Variants in TMEM245 observed in about 807,000 individuals in gnomAD.
TMEM245 encodes the protein transmembrane protein 245.
A neutral mutation model predicts 101.2 loss-of-function variants in TMEM245; 69 were observed. That is an observed-to-expected ratio of 0.68 (90% CI 0.56 to 0.83). The LOEUF is 0.83. Ranked by LOEUF, TMEM245 falls within the 40% of genes least tolerant of loss-of-function variation. The pLI is 0.00. For missense variants in TMEM245, 1,075 were observed against 1,092.8 expected (o/e 0.98, Z 0.23); for synonymous variants, 537 against 449.8 (o/e 1.19, Z -2.45).
intron 14 of TMEM245, among the ~76,000 whole-genome samples, chr9:109,043,792 CTA>C (rs1003796303): frequency 6.6e-5 from 10 of 152,228 alleles, no homozygotes; most frequent in African/African-American, 2.4e-4. Context: ...CTGTCCCATA[CTA>C]TATATAGACT....
chr9:109,116,858 C>G (rs747963743), intron 1 of TMEM245, among the ~76,000 whole-genome samples: 2 of 152,014 alleles, frequency 1.3e-5, no homozygotes, highest in Non-Finnish European at 2.9e-5. Flanking sequence ...AGAGCAAGGA[C>G]TCCTTGTCTT....
chr9:109,048,850 A>C (rs1205889663), intron 14 of TMEM245, among the ~76,000 whole-genome samples: 2 of 152,244 alleles, frequency 1.3e-5, no homozygotes, highest in Admixed American at 1.3e-4. Context: ...AGAAGTCATA[A>C]CGAAAAAGTT....
chr9:109,064,296 C>T (rs1180229566), intron 10 of TMEM245, among the ~76,000 whole-genome samples, 181 bp downstream of exon 10: 1 of 152,190 alleles, frequency 6.6e-6, no homozygotes, highest in African/African-American at 2.4e-5. Flanking sequence ...TCAGATTGTT[C>T]AGGGTACTAC....
At chr9:109,098,070 AC>A (rs1444191641) in intron 3 of TMEM245, among the ~76,000 whole-genome samples, 2 of 152,046 alleles carry the variant, frequency 1.3e-5, no homozygotes, top group Admixed American at 6.6e-5. Flanking sequence ...ATTTCTTTGT[AC>A]CTCTCCTCCC....
chr9:109,107,149 G>A (rs960004651), intron 2 of TMEM245, among the ~76,000 whole-genome samples: 15 of 151,854 alleles, frequency 9.9e-5, no homozygotes, highest in Admixed American at 9.9e-4. Context: ...GCACTTTGGG[G>A]GGCTGAGGCA....
intron 8 of TMEM245, among the ~76,000 whole-genome samples, chr9:109,078,673 TTTTATC>T (rs896715433): frequency 6.6e-6 from 1 of 152,206 alleles, no homozygotes; most frequent in Non-Finnish European, 1.5e-5. Flanking sequence ...CAGATTTTCT[TTTTATC>T]TTTGTCTTTC....
chr9:109,025,375 C>T lies in TMEM245; in HGVS notation c.2595-4870G>A, dbSNP rs1827763496. Among the ~76,000 whole-genome samples, 5 of 152,238 alleles carry T rather than the reference C, an allele frequency of 3.3e-5. No homozygotes were observed. In the South Asian group the frequency reaches 1.0e-3, roughly 32 times the overall value. ...CATGAGCCACTGTGCCCAGCGGATACTCATTTTTGATTGTACTTTCGGTAT... is the reference window on the plus strand; with the variant it reads ...CATGAGCCACTGTGCCCAGCGGATATTCATTTTTGATTGTACTTTCGGTAT... On this transcript the variant is annotated intron_variant, in intron 17 of 17. Coordinates refer to ENST00000374586, the MANE Select transcript of TMEM245 (RefSeq NM_032012.4).
chr9:109,106,926 A>G (rs1025959910), intron 2 of TMEM245, among the ~76,000 whole-genome samples: 1 of 152,008 alleles, frequency 6.6e-6, no homozygotes, highest in South Asian at 2.1e-4. Flanking sequence ...CAAACCATCT[A>G]CTTCACCCCA....
chr9:109,117,408 G>A (rs934351262), intron 1 of TMEM245, among the ~76,000 whole-genome samples: 2 of 152,006 alleles, frequency 1.3e-5, no homozygotes, highest in Non-Finnish European at 2.9e-5. Flanking sequence ...GTGAGCCACC[G>A]CGCCCGGCCA....
chr9:109,110,462 A>G (rs948153936), intron 1 of TMEM245, among the ~76,000 whole-genome samples: 2 of 152,152 alleles, frequency 1.3e-5, no homozygotes, highest in African/African-American at 4.8e-5. Flanking sequence ...TCTAATCTTA[A>G]GGAGAAAGAA....
At chr9:109,107,398 CAAAA>C (rs5899836) in intron 2 of TMEM245, among the ~76,000 whole-genome samples, 2 of 100,728 alleles carry the variant, frequency 2.0e-5, no homozygotes, top group Non-Finnish European at 2.1e-5. Context: ...GACTCTGTCT[CAAAA>C]AAAAAAAAAA....
intron 17 of TMEM245, among the ~76,000 whole-genome samples, chr9:109,031,399 C>T (rs1012960342): frequency 6.6e-6 from 1 of 152,118 alleles, no homozygotes; most frequent in South Asian, 2.1e-4. Context: ...GTAATATATT[C>T]ATGTAATGGA....
At chr9:109,090,742 A>G (rs1829976766) in intron 5 of TMEM245, among the ~76,000 whole-genome samples, 180 bp downstream of exon 5, 1 of 152,002 alleles carries the variant, frequency 6.6e-6, no homozygotes, top group Non-Finnish European at 1.5e-5. Flanking sequence ...GTGAAATATT[A>G]AAGATGTATC....
At chr9:109,053,121 G>C (rs1027139907) in intron 12 of TMEM245, among the ~76,000 whole-genome samples, 6 of 152,132 alleles carry the variant, frequency 3.9e-5, no homozygotes, top group Non-Finnish European at 8.8e-5. Context: ...CACATTTATG[G>C]AGACAAAATG....
chr9:109,057,116 G>A (rs2132419221), intron 12 of TMEM245, 75 bp downstream of exon 12: 8 of 1,519,492 alleles, frequency 5.3e-6, no homozygotes, highest in Non-Finnish European at 7.2e-6. Flanking sequence ...AGGCCTCAAA[G>A]TGTATGAAGA....
chr9:109,105,166 CAATTT>C (rs974678279), intron 3 of TMEM245, among the ~76,000 whole-genome samples: 24 of 151,794 alleles, frequency 1.6e-4, no homozygotes, highest in Admixed American at 3.9e-4. Context: ...AAAAGGCAAA[CAATTT>C]AATTTTTTTT....
intron 7 of TMEM245, among the ~76,000 whole-genome samples, chr9:109,083,953 T>C (rs1449102647): frequency 1.6e-5 from 2 of 128,592 alleles, no homozygotes; most frequent in African/African-American, 5.8e-5. Context: ...GGTGCACACC[T>C]GTGGTCCCAG....
At chr9:109,103,778 T>A (rs2583375) in intron 3 of TMEM245, among the ~76,000 whole-genome samples, 1 of 151,856 alleles carries the variant, frequency 6.6e-6, no homozygotes, top group African/African-American at 2.4e-5. Context: ...TGGTTATTAA[T>A]AGGTACCAAA....
At chr9:109,075,861 CTTA>C (rs1829483580) in intron 8 of TMEM245, among the ~76,000 whole-genome samples, 1 of 152,084 alleles carries the variant, frequency 6.6e-6, no homozygotes, top group Non-Finnish European at 1.5e-5. Context: ...GCACCTGATC[CTTA>C]TTATTTCCTT....
Sources: gnomAD v4.1 joint callset for allele counts (sites outside exome capture counted in the v4.1 genomes callset) on GRCh38, gnomAD v4.1.1 for gene constraint, MANE v1.5 for transcripts, NCBI Gene and HGNC (gene_info 2026-07-23, HGNC 2026-07-21) for gene names.